Variants in FAM13C observed in about 807,000 individuals in gnomAD.
FAM13C encodes the protein protein FAM13C.
A neutral mutation model predicts 73.2 loss-of-function variants in FAM13C; 37 were observed. That is an observed-to-expected ratio of 0.51 (90% confidence interval 0.39 to 0.67). FAM13C has a LOEUF of 0.67. FAM13C is among the 30% of genes least tolerant of loss of function. The pLI is 0.00. For synonymous variants in FAM13C, 246 were observed against 260.9 expected (o/e 0.94, Z 0.55); for missense variants, 589 against 715.6 (o/e 0.82, Z 2.02).
chr10:59,348,773 C>G (rs1245034586), intron 3 of FAM13C, among the ~76,000 whole-genome samples: 1 of 152,048 alleles, frequency 6.6e-6, no homozygotes, highest in Non-Finnish European at 1.5e-5. Flanking sequence ...GTAGCTGGGA[C>G]TATAGGCGTG....
intron 5 of FAM13C, among the ~76,000 whole-genome samples, chr10:59,296,153 C>A (rs1157327116): frequency 6.6e-6 from 1 of 152,134 alleles, no homozygotes; most frequent in Non-Finnish European, 1.5e-5. Flanking sequence ...AAAATTAACA[C>A]AATTTTGAGG....
intron 4 of FAM13C, among the ~76,000 whole-genome samples, chr10:59,317,527 G>T (rs1207506282): frequency 6.6e-6 from 1 of 152,084 alleles, no homozygotes; most frequent in Admixed American, 6.6e-5. Flanking sequence ...TATAGAAATT[G>T]TATGTTAGAA....
intron 3 of FAM13C, among the ~76,000 whole-genome samples, chr10:59,338,632 T>C (rs936868753): frequency 6.6e-5 from 10 of 152,340 alleles, no homozygotes; most frequent in African/African-American, 2.4e-4. Flanking sequence ...TCGATACAAC[T>C]ACTAAATCTA....
chr10:59,306,273 T>C (rs1049047813), intron 4 of FAM13C, among the ~76,000 whole-genome samples: 1 of 152,166 alleles, frequency 6.6e-6, no homozygotes, highest in Non-Finnish European at 1.5e-5. Context: ...TAGTGAGATA[T>C]AGAGAAGAGC....
intron 4 of FAM13C, among the ~76,000 whole-genome samples, chr10:59,318,223 T>C (rs2133982173): frequency 6.6e-6 from 1 of 152,162 alleles, no homozygotes. Context: ...TATGCCAAAT[T>C]ATCAGTGAAA....
intron 3 of FAM13C, among the ~76,000 whole-genome samples, chr10:59,326,375 T>C (rs549633746): frequency 2.0e-4 from 31 of 152,206 alleles, no homozygotes; most frequent in African/African-American, 7.5e-4. Flanking sequence ...GTATGGAGAA[T>C]TGGGGAAGAC....
At chr10:59,338,451 T>C (rs1481414194) in intron 3 of FAM13C, among the ~76,000 whole-genome samples, 1 of 152,216 alleles carries the variant, frequency 6.6e-6, no homozygotes, top group East Asian at 1.9e-4. Flanking sequence ...GTTCAAAACC[T>C]GGACTGATGG....
At chr10:59,337,795 T>G (rs2134151901) in intron 3 of FAM13C, among the ~76,000 whole-genome samples, 1 of 147,084 alleles carries the variant, frequency 6.8e-6, no homozygotes, top group Admixed American at 6.9e-5. Context: ...TTCTCCTGCC[T>G]CGGCCTCCCG....
chr10:59,253,389 A>C (rs1841601832), intron 11 of FAM13C, among the ~76,000 whole-genome samples: 1 of 152,212 alleles, frequency 6.6e-6, no homozygotes, highest in Non-Finnish European at 1.5e-5. Context: ...GACTACGGAC[A>C]ACTTTTATCC....
intron 9 of FAM13C, among the ~76,000 whole-genome samples, chr10:59,263,252 A>G (rs1329126057): frequency 1.3e-5 from 2 of 152,224 alleles, no homozygotes; most frequent in African/African-American, 2.4e-5. Context: ...TTATCAAGGA[A>G]TTACATTTTA....
intron 5 of FAM13C, among the ~76,000 whole-genome samples, chr10:59,290,028 T>A (rs1451705478): frequency 6.6e-6 from 1 of 152,130 alleles, no homozygotes; most frequent in Admixed American, 6.5e-5. Context: ...GCTCCAACTA[T>A]CCCATCTGGT....
chr10:59,361,535 TTCTACAA>T (rs1223682143), intron 1 of FAM13C, among the ~76,000 whole-genome samples: 1 of 152,096 alleles, frequency 6.6e-6, no homozygotes. Flanking sequence ...TTAGAGTGGC[TTCTACAA>T]AGGTCCCAGA....
At position 59,270,015 on chromosome 10, in the gene FAM13C, G is replaced by A. The variant is rs1180289059; in HGVS notation, c.687C>T (p.Ile229=). 1 of 1,613,854 alleles carries A rather than the reference G, an allele frequency of 6.2e-7. No individual in the cohort carries two copies. Among genetic ancestry groups the A allele is most frequent in the East Asian group, 2.2e-5 (1 of 44,876 alleles). The part of the protein sequence containing the change: ...SVGTSRLLYH[I]TDGDNPLLSP... ...ACAGCAGTGGGTTATCACCATCAGTGATGTGATAGAGCAGCCTGCTGGTCC... is the reference window on the plus strand; with the variant it reads ...ACAGCAGTGGGTTATCACCATCAGTAATGTGATAGAGCAGCCTGCTGGTCC... Residue 229 remains isoleucine, a synonymous_variant, in exon 7 of 14, where the codon ATC becomes ATT. Transcript: ENST00000618804.
intron 5 of FAM13C, chr10:59,296,920 G>C (rs534644549): frequency 6.6e-6 from 1 of 152,162 alleles, no homozygotes; most frequent in East Asian, 1.9e-4. Context: ...TGCCCTGTAG[G>C]GTCAATTAAC....
intron 11 of FAM13C, 144 bp downstream of exon 11, chr10:59,254,204 A>G: frequency 2.1e-6 from 1 of 476,938 alleles, no homozygotes; most frequent in African/African-American, 2.0e-5. Flanking sequence ...GAGAAGACCA[A>G]ATTTTCACTT....
intron 5 of FAM13C, among the ~76,000 whole-genome samples, chr10:59,293,862 A>C (rs1369613399): frequency 6.6e-6 from 1 of 152,224 alleles, no homozygotes; most frequent in Non-Finnish European, 1.5e-5. Context: ...AATCCTGTTG[A>C]AAGAAAGAAT....
chr10:59,317,655 G>A (rs944534438), intron 4 of FAM13C, among the ~76,000 whole-genome samples: 9 of 152,040 alleles, frequency 5.9e-5, no homozygotes, highest in Non-Finnish European at 1.3e-4. Context: ...AAAGCACACT[G>A]CTATACATGA....
rs1840734728 is a variant in FAM13C, at chr10:59,246,631, T to C, written c.*983A>G. The C allele has an allele frequency of 2.5e-6, 1 of 397,612 alleles. No homozygotes were observed. 24.6% of individuals were successfully genotyped at this position (397,612 alleles called of 1,614,324 possible). A position where few individuals can be genotyped will look rare whatever the true frequency, so the allele number is the denominator to read the frequency against. The stretch of plus-strand genomic sequence containing the variant: ...CTGAAGTTGATGAAGCAAATAAATA[T>C]TCTGGCTTCTTTTTCAAGGTATCAG... On this transcript the variant is annotated 3_prime_UTR_variant, in exon 14 of 14. Transcript: ENST00000618804.
chr10:59,297,917 A>G (rs1465202986), intron 5 of FAM13C, among the ~76,000 whole-genome samples: 1 of 151,652 alleles, frequency 6.6e-6, no homozygotes, highest in Admixed American at 6.6e-5. Flanking sequence ...AAAAGTCAGT[A>G]TATCCACCTA....
Sources: gnomAD v4.1 joint callset for allele counts (sites outside exome capture counted in the v4.1 genomes callset) on GRCh38, gnomAD v4.1.1 for gene constraint, MANE v1.5 for transcripts, NCBI Gene and HGNC (gene_info 2026-07-23, HGNC 2026-07-21) for gene names.